Variants in PLEC observed in about 807,000 individuals in gnomAD.
PLEC encodes the protein hemidesmosomal protein 1.
PLEC carries 216 observed loss-of-function variants against 392.8 expected under a neutral mutation model. The ratio of observed to expected loss-of-function variants is 0.55; its 90% CI spans 0.49 to 0.62. The LOEUF (loss-of-function observed/expected upper bound fraction) is 0.62. Ranked by LOEUF, PLEC falls within the 20% of genes least tolerant of loss-of-function variation. The pLI, the probability that PLEC is intolerant of heterozygous loss-of-function variation, is 0.00. For missense variants in PLEC, 6,863 were observed against 6,563.4 expected (o/e 1.05, Z -1.58); for synonymous variants, 3,621 against 2,980.6 (o/e 1.21, Z -7.00).
upstream of PLEC, among the ~76,000 whole-genome samples, chr8:143,955,165 G>A (rs1554738852): frequency 6.6e-6 from 1 of 152,182 alleles, no homozygotes; most frequent in African/African-American, 2.4e-5. Flanking sequence ...TAAGGAAAAT[G>A]GTGAAGTGAG....
At position 143,920,840 on chromosome 8, in the gene PLEC, C is replaced by T. The variant is rs200970115; in HGVS notation, c.8981G>A (p.Arg2994His). ...TCGCTGCAGCTGCTGGTAGAGCTCG[C>T]GGTCGATGACCCTGCTCTCCAGCAG... ...AELLESRVID[R>H]ELYQQLQRGE... Residue 2994 changes from arginine to histidine, a missense_variant, in exon 32 of 32, where the codon CGC becomes CAC. Coordinates refer to ENST00000345136, the MANE Select transcript of PLEC (RefSeq NM_201384.3). 219 of 1,608,748 alleles carry T rather than the reference C, an allele frequency of 1.4e-4. No homozygotes were observed. The highest frequency in any genetic ancestry group is 1.7e-4 in the Non-Finnish European group (201 of 1,179,916).
rs1554743478 is a variant in PLEC at position 143,969,464 on chromosome 8, G to A, written c.70+3939C>T. ...ACAGTCGGCCCAGCTGCCAAGAGGT[G>A]TCCAGTCGCCCAGCCCCCCAAGCCT... On this transcript the variant is annotated intron_variant, in intron 1 of 31. Transcript: ENST00000356346. The surrounding 1 kb of genome is among the most constrained non-coding windows in gnomAD (Gnocchi z 5.1). Among the ~76,000 whole-genome samples the A allele has an allele frequency of 6.6e-6, 1 of 152,208 alleles. No homozygotes were observed. Among genetic ancestry groups the A allele is most frequent in the Admixed American group, 6.5e-5 (1 of 15,282 alleles).
In PLEC at chr8:143,926,859, G is replaced by A. The variant is rs781970653; in HGVS notation, c.3969C>T (p.Tyr1323=). The part of the protein sequence containing the change: ...IQEYVDLRTH[Y]SELTTLTSQY... ...GGCTCGTCAGTGTGGTCAGCTCGCT[G>A]TAGTGCGTACGCAGGTCCACGTACT... Residue 1323 remains tyrosine (Y), a synonymous_variant, in exon 30 of 32, where the codon TAC becomes TAT. Coordinates refer to ENST00000345136, the MANE Select transcript of PLEC (RefSeq NM_201384.3). 2.5e-6 allele frequency: 4 copies of A among 1,613,516 alleles called. No individual in the cohort carries two copies. The highest frequency in any genetic ancestry group is 1.7e-5 in the Admixed American group (1 of 60,026).
At chr8:143,951,965 C>G (rs1483605419), upstream of PLEC, among the ~76,000 whole-genome samples, 1 of 152,152 alleles carries the variant, frequency 6.6e-6, no homozygotes, top group Non-Finnish European at 1.5e-5. Context: ...TCCATGGACC[C>G]CCACCCGTAT....
At chr8:143,968,294 C>T (rs964049411) in intron 1 of PLEC, among the ~76,000 whole-genome samples, 1 of 151,824 alleles carries the variant, frequency 6.6e-6, no homozygotes, top group African/African-American at 2.4e-5. Flanking sequence ...GTACGTGCTT[C>T]AAAGGACACC....
At chr8:143,936,851 T>C (rs1320489718) in intron 5 of PLEC, 128 bp downstream of exon 5, 4 of 742,608 alleles carry the variant, frequency 5.4e-6, no homozygotes, top group Admixed American at 2.1e-5. Context: ...GGTGCCACCA[T>C]ACCTACGGCG....
Position 143,939,423 on chromosome 8 carries a change from G to T in PLEC, c.39C>A (p.Gly13=). The T allele has an allele frequency of 6.2e-7, 1 of 1,612,594 alleles. No individual in the cohort carries two copies. Among genetic ancestry groups the T allele is most frequent in the Non-Finnish European group, 8.5e-7 (1 of 1,179,748 alleles). ...QHQLRVPQPE[G]LGRKRTSSED... ...CCGAGCTGGTTCTCTTTCGGCCCAG[G>T]CCCTCGGGCTGCGGCACGCGGAGCT... Residue 13 remains glycine (G), a synonymous_variant, in exon 1 of 32, where the codon GGC becomes GGA. Coordinates refer to ENST00000345136, the MANE Select transcript of PLEC (RefSeq NM_201384.3).
At chr8:143,942,432 C>A (rs781969113), upstream of PLEC, 1 of 1,604,522 alleles carries the variant, frequency 6.2e-7, no homozygotes, top group Admixed American at 1.7e-5. Flanking sequence ...CCCTGCGGGC[C>A]GGCTCGCAGC....
In PLEC at chr8:143,927,634, G is replaced by A. The variant is rs782291539; in HGVS notation, c.3532C>T (p.Arg1178Trp). Residue 1178 changes from arginine (R) to tryptophan (W), a missense_variant, in exon 27 of 32, where the codon CGG (arginine) becomes TGG (tryptophan). Arg to Trp is a moderately radical substitution (Grantham distance 101). Transcript: ENST00000345136. ...GERDVEVERW[R>W]ERVAQLLERW... is the part of the protein sequence containing the mutation. ...TCAAGCAACTGGGCGACCCGCTCCCGCCAGCGCTCCACCTCCACGTCCCGC... is the reference window on the plus strand; with the variant it reads ...TCAAGCAACTGGGCGACCCGCTCCCACCAGCGCTCCACCTCCACGTCCCGC... The A allele has an allele frequency of 2.3e-5, 36 of 1,586,210 alleles. No individual in the cohort carries two copies. The highest frequency in any genetic ancestry group is 9.0e-5 in the South Asian group (8 of 89,024).
At position 143,917,838 on chromosome 8, in the gene PLEC, T is replaced by C; in HGVS notation, c.11983A>G (p.Ile3995Val). The C allele has an allele frequency of 1.9e-6, 3 of 1,613,328 alleles. No individual in the cohort carries two copies. The highest frequency in any genetic ancestry group is 2.5e-6 in the Non-Finnish European group (3 of 1,179,970). Residue 3995 changes from isoleucine to valine, a missense_variant, in exon 32 of 32, where the codon ATT (isoleucine) becomes GTT (valine). Physicochemically the swap from Ile to Val is conservative, Grantham distance 29 (BLOSUM62 3). Coordinates refer to ENST00000345136, the MANE Select transcript of PLEC (RefSeq NM_201384.3). The part of the protein sequence containing the change: ...LTVEEAVRMG[I>V]VGPEFKDKLL... ...TTGTCCTTGAACTCGGGGCCCACAATGCCCATACGCACAGCCTCCTCCACC... is the reference window on the plus strand; with the variant it reads ...TTGTCCTTGAACTCGGGGCCCACAACGCCCATACGCACAGCCTCCTCCACC...
chr8:143,944,083 T>C (rs1321155896), upstream of PLEC: 3 of 742,810 alleles, frequency 4.0e-6, no homozygotes, highest in African/African-American at 1.8e-5. Context: ...TCCTCCTCCC[T>C]CCGCGGGTCC....
Position 143,937,076 on chromosome 8 carries a change from G to A in PLEC, c.343-5C>T. The stretch of plus-strand genomic sequence containing the variant: ...CCTGATGTTCACCAGCTTCACCTGT[G>A]AGCGAGGGGCTCTCGGTCACGGCCC... On this transcript the variant is annotated splice_region_variant and splice_polypyrimidine_tract_variant and intron_variant, in intron 4 of 31. Transcript: ENST00000345136. 1 of 1,612,406 alleles carries A rather than the reference G, an allele frequency of 6.2e-7. No individual in the cohort carries two copies. Among genetic ancestry groups the A allele is most frequent in the Non-Finnish European group, 8.5e-7 (1 of 1,179,304 alleles).
At chr8:143,949,892 G>A (rs1350720419) in intron 1 of PLEC, among the ~76,000 whole-genome samples, 2 of 152,188 alleles carry the variant, frequency 1.3e-5, no homozygotes, top group African/African-American at 2.4e-5. Context: ...AGGGGGCGAA[G>A]GCAAGGGCAG....
upstream of PLEC, among the ~76,000 whole-genome samples, chr8:143,957,531 T>C (rs948844724): frequency 6.6e-6 from 1 of 152,040 alleles, no homozygotes; most frequent in Non-Finnish European, 1.5e-5. Context: ...CTCTGCAAAT[T>C]CCCCACACCA....
chr8:143,918,494 G>A lies in PLEC; in HGVS notation c.11327C>T (p.Thr3776Ile), dbSNP rs369998247. Residue 3776 changes from threonine (T) to isoleucine (I), a missense_variant, in exon 32 of 32, where the codon ACC becomes ATC. Transcript: ENST00000345136. Reference protein sequence around the residue: ...RAVTGYRDPYTEQTISLFQAM... With the variant: ...RAVTGYRDPYIEQTISLFQAM... ...CTGGAAGAGCGAGATGGTCTGCTCG[G>A]TGTAGGGGTCACGGTAGCCGGTGAC... 44 of 1,602,472 alleles carry A rather than the reference G, an allele frequency of 2.7e-5. No homozygotes were observed. The highest frequency in any genetic ancestry group is 3.3e-5 in the Non-Finnish European group (39 of 1,175,898).
In PLEC at chr8:143,935,317, G is replaced by A. The variant is rs782176552; in HGVS notation, c.603-4C>T. 1 of 1,597,452 alleles carries A rather than the reference G, an allele frequency of 6.3e-7. No homozygotes were observed. Among genetic ancestry groups the A allele is most frequent in the Non-Finnish European group, 8.5e-7 (1 of 1,176,730 alleles). On this transcript the variant is annotated splice_polypyrimidine_tract_variant and splice_region_variant and intron_variant, in intron 6 of 31. Transcript: ENST00000345136. ...GTTCATGTCGATGAGCAGGGGCCTG[G>A]GACAAGCAGGTGGCTGGTCAGGTGG... is the stretch of plus-strand genomic sequence containing the variant.
At chr8:143,942,111 G>A (rs1554729042), upstream of PLEC, among the ~76,000 whole-genome samples, 1 of 151,890 alleles carries the variant, frequency 6.6e-6, no homozygotes, top group Non-Finnish European at 1.5e-5. Flanking sequence ...GGAAACCCAG[G>A]CCAAAGCCCA....
At position 143,925,559 on chromosome 8, in the gene PLEC, A is replaced by G; in HGVS notation, c.4370T>C (p.Val1457Ala). The G allele has an allele frequency of 6.3e-7, 1 of 1,589,292 alleles. No homozygotes were observed. The highest frequency in any genetic ancestry group is 1.1e-5 in the South Asian group (1 of 89,798). ...RLRIEEEIRV[V>A]RLQLEATERQ... is the part of the protein sequence containing the mutation. Reference sequence around the variant, plus strand: ...CTCGGTGGCCTCCAACTGCAGGCGCACCACGCGGATCTCCTCCTCGATGCG... The same window carrying G: ...CTCGGTGGCCTCCAACTGCAGGCGCGCCACGCGGATCTCCTCCTCGATGCG... The change falls in exon 31 of 32, where the codon GTG becomes GCG. Residue 1457 changes from valine (V) to alanine (A), a missense_variant. Val to Ala is a moderately conservative substitution (Grantham distance 64). Transcript: ENST00000345136.
upstream of PLEC, chr8:143,943,952 A>G: frequency 6.3e-7 from 1 of 1,575,730 alleles, no homozygotes. Context: ...GCTCCAGGCT[A>G]GACAGCCCCC....
Sources: gnomAD v4.1 joint callset for allele counts (sites outside exome capture counted in the v4.1 genomes callset) on GRCh38, gnomAD v4.1.1 for gene constraint, Gnocchi (gnomAD v3.1) non-coding constraint, MANE v1.5 for transcripts, NCBI Gene and HGNC (gene_info 2026-07-23, HGNC 2026-07-21) for gene names.